CDK14: variants seen among roughly 807,000 people sequenced by gnomAD.
The protein encoded by CDK14 is cyclin-dependent kinase 14.
CDK14 carries 34 observed loss-of-function variants against 60.7 expected under a neutral mutation model. That is an observed-to-expected ratio of 0.56 (90% CI 0.43 to 0.75). The LOEUF is 0.75. Among genes scored for constraint, CDK14 ranks in the 30% least tolerant of loss-of-function variants. CDK14 has a pLI of 0.00. For synonymous variants in CDK14, 197 were observed against 203.7 expected (o/e 0.97, Z 0.28); for missense variants, 482 against 564.1 (o/e 0.85, Z 1.47).
chr7:90,772,929 G>A (rs2116898302), intron 4 of CDK14, among the ~76,000 whole-genome samples: 1 of 152,250 alleles, frequency 6.6e-6, no homozygotes. Context: ...AGACACACAT[G>A]TTGAAGAATT....
intron 9 of CDK14, among the ~76,000 whole-genome samples, chr7:90,962,941 T>C (rs368196412): frequency 1.4e-4 from 21 of 152,150 alleles, no homozygotes; most frequent in Admixed American, 6.5e-4. Flanking sequence ...CCAAGCTAAA[T>C]ATACTGCATT....
At chr7:90,957,594 C>T (rs570577309) in intron 9 of CDK14, among the ~76,000 whole-genome samples, 7 of 152,006 alleles carry the variant, frequency 4.6e-5, no homozygotes, top group Admixed American at 2.6e-4. Context: ...AGTGAACTCC[C>T]GTTCACAATT....
intron 10 of CDK14, among the ~76,000 whole-genome samples, chr7:91,044,239 G>A (rs2116015796): frequency 6.6e-6 from 1 of 152,324 alleles, no homozygotes; most frequent in Non-Finnish European, 1.5e-5. Context: ...AGGACAACTG[G>A]ACGTGGGAGC....
chr7:91,077,408 G>C (rs897002935), intron 11 of CDK14, among the ~76,000 whole-genome samples: 5 of 151,494 alleles, frequency 3.3e-5, no homozygotes, highest in African/African-American at 2.4e-5. Flanking sequence ...AGAAAACCAA[G>C]CATGTTCTGA....
chr7:90,914,023 A>G (rs1453090317), intron 7 of CDK14, among the ~76,000 whole-genome samples: 2 of 152,136 alleles, frequency 1.3e-5, no homozygotes, highest in Non-Finnish European at 2.9e-5. Context: ...CAGAAGGTTG[A>G]TCGTCCCCTT....
intron 5 of CDK14, among the ~76,000 whole-genome samples, chr7:90,809,821 A>G (rs1201849117): frequency 1.3e-5 from 2 of 152,264 alleles, no homozygotes; most frequent in African/African-American, 4.8e-5. Flanking sequence ...GCAGACTACC[A>G]TCAGAGAATA....
intron 5 of CDK14, among the ~76,000 whole-genome samples, chr7:90,845,271 C>T (rs571204204): frequency 6.6e-6 from 1 of 152,064 alleles, no homozygotes; most frequent in Non-Finnish European, 1.5e-5. Context: ...AGTCTTAAAA[C>T]TATGCTTTCT....
intron 14 of CDK14, among the ~76,000 whole-genome samples, chr7:91,157,737 C>T (rs1481644982): frequency 6.6e-6 from 1 of 152,180 alleles, no homozygotes; most frequent in South Asian, 2.1e-4. Context: ...AGACTAGCTC[C>T]TGCATGGCAC....
chr7:90,923,137 C>G (rs1793302452), intron 8 of CDK14, among the ~76,000 whole-genome samples: 1 of 126,224 alleles, frequency 7.9e-6, no homozygotes, highest in South Asian at 2.5e-4. Context: ...GAGATGGAGT[C>G]TTGCTCTGTC....
rs531135505 is a variant in CDK14, at chr7:91,079,083, G to A, written c.1106-349G>A. On this transcript the variant is annotated intron_variant, in intron 11 of 14. Coordinates refer to ENST00000380050, the MANE Select transcript of CDK14 (RefSeq NM_001287135.2). ...AAAAAAACAGCAAGTCTCACTTGACGAAATGTGTTGATATGCTTTTGTAAA... is the reference window on the plus strand; with the variant it reads ...AAAAAAACAGCAAGTCTCACTTGACAAAATGTGTTGATATGCTTTTGTAAA... 1.1e-3 allele frequency among the ~76,000 whole-genome samples: 160 copies of A among 152,294 alleles called. 1 individual carries two copies. The highest frequency in any genetic ancestry group is 3.5e-3 in the African/African-American group (147 of 41,580).
At chr7:90,601,983 T>G (rs1013737905) in intron 1 of CDK14, among the ~76,000 whole-genome samples, 2 of 151,302 alleles carry the variant, frequency 1.3e-5, no homozygotes, top group Non-Finnish European at 2.9e-5. Flanking sequence ...TGTGGTATTG[T>G]TTTTGTAGAG....
intron 5 of CDK14, among the ~76,000 whole-genome samples, chr7:90,811,365 G>T (rs1789103518): frequency 6.6e-6 from 1 of 151,938 alleles, no homozygotes; most frequent in Non-Finnish European, 1.5e-5. Flanking sequence ...AAGCAATGGG[G>T]AAAGGATTCC....
intron 2 of CDK14, among the ~76,000 whole-genome samples, chr7:90,722,487 G>A (rs752354824): frequency 6.6e-6 from 1 of 152,158 alleles, no homozygotes; most frequent in East Asian, 1.9e-4. Context: ...CTACAGGTGT[G>A]TATCACCATG....
intron 2 of CDK14, among the ~76,000 whole-genome samples, chr7:90,624,004 G>C (rs1041588355): frequency 6.6e-6 from 1 of 152,158 alleles, no homozygotes; most frequent in Non-Finnish European, 1.5e-5. Flanking sequence ...TACATATTTT[G>C]TAGGGCTTCA....
chr7:90,821,663 CA>C (rs570024682), intron 5 of CDK14, among the ~76,000 whole-genome samples: 113 of 152,328 alleles, frequency 7.4e-4, no homozygotes, highest in African/African-American at 2.6e-3. Flanking sequence ...ATGAGCTCCA[CA>C]ATGTTCACCA....
intron 5 of CDK14, among the ~76,000 whole-genome samples, chr7:90,801,906 G>A (rs1178592703): frequency 6.6e-6 from 1 of 152,134 alleles, no homozygotes; most frequent in African/African-American, 2.4e-5. Context: ...CACCTTCCCA[G>A]TGGAGAGAGG....
At chr7:90,991,956 C>A (rs928355158) in intron 10 of CDK14, among the ~76,000 whole-genome samples, 1 of 152,114 alleles carries the variant, frequency 6.6e-6, no homozygotes, top group Non-Finnish European at 1.5e-5. Context: ...TAAGGTCCTC[C>A]CTGGTCAATA....
chr7:91,186,441 T>C (rs989293130), intron 14 of CDK14, among the ~76,000 whole-genome samples: 1 of 151,484 alleles, frequency 6.6e-6, no homozygotes, highest in African/African-American at 2.4e-5. Flanking sequence ...AACATTAAAG[T>C]GGCTGCATAG....
chr7:90,871,492 G>A (rs1791371585), intron 6 of CDK14, among the ~76,000 whole-genome samples: 1 of 152,098 alleles, frequency 6.6e-6, no homozygotes, highest in African/African-American at 2.4e-5. Context: ...ATTCTAGATG[G>A]GGTAAGGAAG....
Sources: gnomAD v4.1 joint callset for allele counts (sites outside exome capture counted in the v4.1 genomes callset) on GRCh38, gnomAD v4.1.1 for gene constraint, MANE v1.5 for transcripts, NCBI Gene and HGNC (gene_info 2026-07-23, HGNC 2026-07-21) for gene names.